Variants in GUCY1B1 observed in about 807,000 individuals in gnomAD.
GUCY1B1 encodes guanylate cyclase 1 soluble subunit beta 1, also known as guanylate cyclase soluble subunit beta-1.
GUCY1B1 carries 43 observed loss-of-function variants against 71.0 expected under a neutral mutation model. That is an observed-to-expected ratio of 0.61 (90% CI 0.47 to 0.78). The LOEUF is 0.78. GUCY1B1 is among the 30% of genes least tolerant of loss of function. GUCY1B1 has a pLI of 0.00. For synonymous variants in GUCY1B1, 266 were observed against 259.7 expected, an observed-to-expected ratio of 1.02 and a Z score of -0.23; for missense variants, 535 against 754.1, an observed-to-expected ratio of 0.71 and a Z score of 3.40.
chr4:155,784,083 G>T (rs970400712), intron 4 of GUCY1B1, among the ~76,000 whole-genome samples: 2 of 152,030 alleles, frequency 1.3e-5, no homozygotes, highest in South Asian at 2.1e-4. Context: ...TAGAATAAGA[G>T]AAATATTTTA....
At chr4:155,773,964 G>A (rs529272525) in intron 2 of GUCY1B1, among the ~76,000 whole-genome samples, 2 of 152,294 alleles carry the variant, frequency 1.3e-5, no homozygotes, top group South Asian at 4.1e-4. Flanking sequence ...TGGGATTACA[G>A]GCATGAGCCA....
chr4:155,785,416 T>C, intron 4 of GUCY1B1: 1 of 622,380 alleles, frequency 1.6e-6, no homozygotes, highest in Non-Finnish European at 2.8e-6. Context: ...CTCTTTACTT[T>C]CTGTAAGTGC....
At chr4:155,771,943 A>G (rs1737720716) in intron 2 of GUCY1B1, among the ~76,000 whole-genome samples, 1 of 152,218 alleles carries the variant, frequency 6.6e-6, no homozygotes, top group Non-Finnish European at 1.5e-5. Context: ...TCAAGCATGA[A>G]CAACTTGAAA....
chr4:155,772,794 C>T (rs1180148964), intron 2 of GUCY1B1: 2 of 702,240 alleles, frequency 2.8e-6, no homozygotes, highest in Non-Finnish European at 5.2e-6. Flanking sequence ...AGCCTGGGCT[C>T]TGAAATGCAG....
intron 2 of GUCY1B1, among the ~76,000 whole-genome samples, chr4:155,769,151 T>C (rs1737537719): frequency 6.6e-6 from 1 of 152,108 alleles, no homozygotes; most frequent in Non-Finnish European, 1.5e-5. Flanking sequence ...GATTTTTGCA[T>C]AGGTTAATTC....
At chr4:155,767,722 A>C (rs1443494698) in intron 2 of GUCY1B1, among the ~76,000 whole-genome samples, 1 of 152,102 alleles carries the variant, frequency 6.6e-6, no homozygotes, top group Non-Finnish European at 1.5e-5. Flanking sequence ...CAGCTCCCTC[A>C]AGCCAGAGTC....
intron 2 of GUCY1B1, among the ~76,000 whole-genome samples, chr4:155,761,295 T>A (rs949506324): frequency 3.3e-5 from 5 of 152,184 alleles, no homozygotes; most frequent in African/African-American, 9.7e-5. Context: ...GTTAACAGTA[T>A]AACTTAACTA....
Position 155,805,104 on chromosome 4 carries a change from T to A in GUCY1B1, c.1711T>A (p.Cys571Ser). The part of the protein sequence containing the change: ...KINVSEYTYR[C>S]LMSPENSDPQ... ...TACTCCCCTTCCCTTGTCTTTTAGA[T>A]GTCTTATGTCTCCAGAAAATTCAGA... Residue 571 changes from cysteine (C) to serine (S), a missense_variant and splice_region_variant, in exon 13 of 14, where the codon TGT becomes AGT. Physicochemically the swap from Cys to Ser is moderately radical, Grantham distance 112. Transcript: ENST00000264424. 1 of 1,611,282 alleles carries A rather than the reference T, an allele frequency of 6.2e-7. No individual in the cohort carries two copies. Among genetic ancestry groups the A allele is most frequent in the Non-Finnish European group, 8.5e-7 (1 of 1,177,938 alleles).
chr4:155,796,269 T>A, intron 7 of GUCY1B1, 108 bp from the exon 8 acceptor site: 1 of 1,010,844 alleles, frequency 9.9e-7, no homozygotes, highest in Admixed American at 2.0e-5. Flanking sequence ...AATGATGCAC[T>A]TATTCTGCTT....
chr4:155,775,003 T>C lies in GUCY1B1; in HGVS notation c.113T>C (p.Leu38Pro). ...EAQLDEEGQF[L>P]VRIIYDDSKT... ...CAGTTAGATGAAGAAGGACAGTTTC[T>C]TGTCAGAATAATATATGATGACTCC... Residue 38 changes from leucine (L) to proline (P), a missense_variant, in exon 3 of 14, where the codon CTT becomes CCT. Physicochemically the swap from Leu to Pro is moderately conservative, Grantham distance 98. Transcript: ENST00000264424. The C allele has an allele frequency of 6.2e-7, 1 of 1,603,540 alleles. No individual in the cohort carries two copies. The highest frequency in any genetic ancestry group is 8.5e-7 in the Non-Finnish European group (1 of 1,170,860).
intron 2 of GUCY1B1, among the ~76,000 whole-genome samples, chr4:155,767,949 A>G (rs1169838211): frequency 6.6e-6 from 1 of 152,170 alleles, no homozygotes; most frequent in Non-Finnish European, 1.5e-5. Flanking sequence ...AGCTCACTAC[A>G]ATGGACCATT....
chr4:155,802,099 G>T lies in GUCY1B1; in HGVS notation c.1176-243G>T, dbSNP rs1739992893. 8 of 747,568 alleles carry T rather than the reference G, an allele frequency of 1.1e-5. No homozygotes were observed. The highest frequency in any genetic ancestry group is 2.0e-5 in the South Asian group (1 of 50,098). The allele number at this position is 747,568 out of a possible 1,614,324, so 46.3% of individuals were successfully genotyped here. A position where few individuals can be genotyped will look rare whatever the true frequency, so the allele number is the denominator to read the frequency against. ...CTGTTTGCTTGGCTTATTTTGATTT[G>T]GTTTGAACTAGTTTGGGCTTGCGGA... On this transcript the variant is annotated intron_variant, in intron 9 of 13. Transcript: ENST00000264424. This position sits in a 1 kb window ranked among gnomAD's most constrained non-coding sequence, Gnocchi z 4.3.
In GUCY1B1 at chr4:155,806,198, A is replaced by G. The variant is rs1740299104; in HGVS notation, c.1837-188A>G. On this transcript the variant is annotated intron_variant, in intron 13 of 13. Transcript: ENST00000264424. ...TGTTCTTCTGATAAACTAAGCCGTAATTACCTCAAACATTGGTCATCTTAG... is the reference window on the plus strand; with the variant it reads ...TGTTCTTCTGATAAACTAAGCCGTAGTTACCTCAAACATTGGTCATCTTAG... Among the ~76,000 whole-genome samples the G allele has an allele frequency of 1.3e-5, 2 of 152,158 alleles. 1 individual carries two copies. Among genetic ancestry groups the G allele is most frequent in the South Asian group, 4.1e-4 (2 of 4,830 alleles).
intron 4 of GUCY1B1, among the ~76,000 whole-genome samples, chr4:155,789,414 C>T (rs910127651): frequency 6.6e-6 from 1 of 152,192 alleles, no homozygotes. Flanking sequence ...TGCCTTAGCC[C>T]TTAACTATGT....
chr4:155,802,723 A>G lies in GUCY1B1; in HGVS notation c.1413+144A>G. On this transcript the variant is annotated intron_variant, in intron 10 of 13. Transcript: ENST00000264424. The surrounding 1 kb of genome is among the most constrained non-coding windows in gnomAD (Gnocchi z 4.3). ...AGCCTCCATGTATTCACTCTTTACC[A>G]TGTTCTTAAATAATTGCCTCTTGTT... 2 of 624,316 alleles carry G rather than the reference A, an allele frequency of 3.2e-6. No homozygotes were observed. The highest frequency in any genetic ancestry group is 2.4e-5 in the South Asian group (1 of 41,952). 38.7% of individuals were successfully genotyped at this position (624,316 alleles called of 1,614,324 possible).
rs1736751569 is a variant in GUCY1B1 at position 155,759,078 on chromosome 4, C to T, written c.-63C>T. 2 of 1,553,018 alleles carry T rather than the reference C, an allele frequency of 1.3e-6. No homozygotes were observed. The highest frequency in any genetic ancestry group is 1.7e-6 in the Non-Finnish European group (2 of 1,143,502). ...TGCGCTGTAGCCGCTGCCGCCTCTG[C>T]CTGGGTCCCTTCGGCCGTACCTCTG... On this transcript the variant is annotated 5_prime_UTR_variant, in exon 1 of 14. Coordinates refer to ENST00000264424, the MANE Select transcript of GUCY1B1 (RefSeq NM_000857.5).
chr4:155,775,440 G>T (rs537883766), intron 3 of GUCY1B1, among the ~76,000 whole-genome samples: 28 of 152,080 alleles, frequency 1.8e-4, no homozygotes, highest in South Asian at 1.7e-3. Flanking sequence ...CTACAGGCAC[G>T]CACCACCACG....
At chr4:155,774,639 C>T (rs150913075) in intron 2 of GUCY1B1, among the ~76,000 whole-genome samples, 38 of 152,252 alleles carry the variant, frequency 2.5e-4, no homozygotes, top group African/African-American at 8.9e-4. Flanking sequence ...AGGGACTCAA[C>T]AAAACTTGCT....
intron 4 of GUCY1B1, among the ~76,000 whole-genome samples, chr4:155,783,161 A>G (rs1001536016): frequency 2.0e-5 from 3 of 152,206 alleles, no homozygotes; most frequent in African/African-American, 7.2e-5. Context: ...ATATGTGTGT[A>G]TATGCTTGTA....
Sources: allele counts gnomAD v4.1 joint callset (sites outside exome capture counted in the v4.1 genomes callset), GRCh38; gene constraint gnomAD v4.1.1; non-coding constraint Gnocchi (gnomAD v3.1); transcripts MANE v1.5; gene names NCBI Gene and HGNC (gene_info 2026-07-23, HGNC 2026-07-21).